Variants in GALNT13 observed in about 807,000 individuals in gnomAD.
GALNT13 encodes the protein polypeptide N-acetylgalactosaminyltransferase 13.
In GALNT13, 28 loss-of-function variants were observed where a neutral mutation model predicts 64.2. That is an observed-to-expected ratio of 0.44 (90% CI 0.32 to 0.60). GALNT13 has a LOEUF of 0.60. Among genes scored for constraint, GALNT13 ranks in the 20% least tolerant of loss-of-function variants. The pLI, the probability that GALNT13 is intolerant of heterozygous loss-of-function variation, is 0.05. For synonymous variants in GALNT13, 214 were observed against 224.6 expected, an observed-to-expected ratio of 0.95 and a Z score of 0.42; for missense variants, 577 against 669.8, an observed-to-expected ratio of 0.86 and a Z score of 1.53.
chr2:154,084,103 C>T (rs1270217417), intron 3 of GALNT13, among the ~76,000 whole-genome samples: 2 of 151,882 alleles, frequency 1.3e-5, no homozygotes, highest in African/African-American at 4.8e-5. Flanking sequence ...AGTTTAAACG[C>T]TGCCACAGAG....
chr2:153,304,734 T>C, the GALNT13 span, among the ~76,000 whole-genome samples: 4 of 151,954 alleles, frequency 2.6e-5, no homozygotes, highest in Non-Finnish European at 2.9e-5. Flanking sequence ...AAAAAATAAA[T>C]AAAATGGGCA....
chr2:154,061,672 G>A (rs998702612), intron 3 of GALNT13, among the ~76,000 whole-genome samples: 2 of 152,044 alleles, frequency 1.3e-5, no homozygotes, highest in African/African-American at 2.4e-5. Flanking sequence ...CATTTCTAGC[G>A]TAGTTTTGAT....
At chr2:153,513,922 A>G in the GALNT13 span, among the ~76,000 whole-genome samples, 1 of 152,028 alleles carries the variant, frequency 6.6e-6, no homozygotes, top group South Asian at 2.1e-4. Context: ...TCCTTTCTTT[A>G]CTTTCCTTTT....
At chr2:154,241,046 G>A (rs1160858086) in intron 4 of GALNT13, among the ~76,000 whole-genome samples, 1 of 152,020 alleles carries the variant, frequency 6.6e-6, no homozygotes, top group Non-Finnish European at 1.5e-5. Context: ...ATGTCTAGCC[G>A]TCCGTGCCTT....
the GALNT13 span, among the ~76,000 whole-genome samples, chr2:153,828,556 T>C: frequency 2.0e-5 from 3 of 151,862 alleles, no homozygotes; most frequent in African/African-American, 4.8e-5. Flanking sequence ...ACAAAGTCCC[T>C]AGACTACACA....
At chr2:153,847,802 G>A in the GALNT13 span, among the ~76,000 whole-genome samples, 2 of 152,166 alleles carry the variant, frequency 1.3e-5, no homozygotes, top group Non-Finnish European at 2.9e-5. Context: ...ACAATGTATT[G>A]AGAAATGCTT....
chr2:154,424,471 T>C (rs1700387084), intron 11 of GALNT13, among the ~76,000 whole-genome samples: 1 of 152,180 alleles, frequency 6.6e-6, no homozygotes, highest in African/African-American at 2.4e-5. Flanking sequence ...GCTCCCAAAA[T>C]GTTGTTTCTC....
intron 3 of GALNT13, among the ~76,000 whole-genome samples, chr2:154,031,723 A>C (rs1350017263): frequency 1.3e-5 from 2 of 151,992 alleles, no homozygotes; most frequent in Admixed American, 1.3e-4. Context: ...AACTATTTAA[A>C]TATATATGTA....
the GALNT13 span, among the ~76,000 whole-genome samples, chr2:153,613,647 GAA>G: frequency 6.6e-6 from 1 of 152,070 alleles, no homozygotes; most frequent in African/African-American, 2.4e-5. Flanking sequence ...CCTGATATAA[GAA>G]AAGTGTTTTG....
At chr2:153,198,490 T>G in the GALNT13 span, among the ~76,000 whole-genome samples, 1 of 152,226 alleles carries the variant, frequency 6.6e-6, no homozygotes, top group African/African-American at 2.4e-5. Flanking sequence ...CTGTCACTTA[T>G]CTGCTGAATT....
chr2:153,883,978 C>T (rs766887602), intron 1 of GALNT13, among the ~76,000 whole-genome samples: 1 of 151,670 alleles, frequency 6.6e-6, no homozygotes, highest in Non-Finnish European at 1.5e-5. Context: ...GACAATGTCA[C>T]GATAAACATA....
At chr2:153,294,901 A>T in the GALNT13 span, among the ~76,000 whole-genome samples, 1 of 152,198 alleles carries the variant, frequency 6.6e-6, no homozygotes, top group Non-Finnish European at 1.5e-5. Context: ...ACAGGCCTCT[A>T]AACCAAAGCT....
At chr2:153,150,363 C>T in the GALNT13 span, among the ~76,000 whole-genome samples, 1,359 of 151,998 alleles carry the variant, frequency 8.9e-3, 9 homozygotes, top group Middle Eastern at 0.065. Flanking sequence ...ATTGTAGATT[C>T]TGGGTATTAG....
chr2:154,027,807 G>A (rs577430158), intron 3 of GALNT13, among the ~76,000 whole-genome samples: 3 of 152,144 alleles, frequency 2.0e-5, no homozygotes, highest in Admixed American at 2.0e-4. Context: ...ACAGCTTAAT[G>A]ACAAAGACAT....
At chr2:153,071,564 A>G in the GALNT13 span, among the ~76,000 whole-genome samples, 2 of 152,240 alleles carry the variant, frequency 1.3e-5, no homozygotes, top group Non-Finnish European at 2.9e-5. Context: ...GCAATATCTC[A>G]GAGACTAACT....
At chr2:153,508,733 A>G in the GALNT13 span, among the ~76,000 whole-genome samples, 1 of 152,132 alleles carries the variant, frequency 6.6e-6, no homozygotes, top group Non-Finnish European at 1.5e-5. Flanking sequence ...GGGTTTATGG[A>G]TTCTCTCAGC....
intron 8 of GALNT13, chr2:154,286,977 A>C (rs1692302625): frequency 1.8e-6 from 1 of 563,136 alleles, no homozygotes; most frequent in Non-Finnish European, 3.3e-6. Context: ...CCCTCAAGTC[A>C]GTGGTGGCTC....
intron 11 of GALNT13, among the ~76,000 whole-genome samples, chr2:154,409,774 A>C (rs1699712230): frequency 6.6e-6 from 1 of 151,956 alleles, no homozygotes; most frequent in Non-Finnish European, 1.5e-5. Context: ...TTATCTACAG[A>C]AGTTTAGGAG....
chr2:154,307,144 C>T (rs1459664789), intron 9 of GALNT13, among the ~76,000 whole-genome samples: 3 of 152,032 alleles, frequency 2.0e-5, no homozygotes, highest in African/African-American at 7.2e-5. Flanking sequence ...GTTTCAATTC[C>T]TCTGAGTTTT....
Sources: allele counts gnomAD v4.1 joint callset (sites outside exome capture counted in the v4.1 genomes callset), GRCh38; gene constraint gnomAD v4.1.1; transcripts MANE v1.5; gene names NCBI Gene and HGNC (gene_info 2026-07-23, HGNC 2026-07-21).